Variants in LARP4 observed in about 807,000 individuals in gnomAD.
LARP4 encodes the protein la-related protein 4.
A neutral mutation model predicts 92.9 loss-of-function variants in LARP4; 29 were observed. The observed-to-expected ratio is 0.31, with a 90% CI of 0.23 to 0.43. LARP4 has a LOEUF of 0.43. Among genes scored for constraint, LARP4 ranks in the 20% least tolerant of loss-of-function variants. The pLI, the probability that LARP4 is intolerant of heterozygous loss-of-function variation, is 1.00. For synonymous variants in LARP4, 279 were observed against 284.1 expected, an observed-to-expected ratio of 0.98 and a Z score of 0.18; for missense variants, 732 against 860.0, an observed-to-expected ratio of 0.85 and a Z score of 1.86.
At chr12:50,429,138 C>A in intron 3 of LARP4, 48 bp downstream of exon 3, 1 of 1,366,000 alleles carries the variant, frequency 7.3e-7, no homozygotes, top group Non-Finnish European at 1.0e-6. Flanking sequence ...GTACAGGACA[C>A]CCCCCACCCA....
intron 1 of LARP4, among the ~76,000 whole-genome samples, chr12:50,422,113 G>C (rs1317491076): frequency 6.6e-6 from 1 of 151,856 alleles, no homozygotes; most frequent in African/African-American, 2.4e-5. Context: ...GGGACTATAG[G>C]CATCCACCCC....
intron 8 of LARP4, among the ~76,000 whole-genome samples, chr12:50,452,848 C>T (rs1953482501): frequency 6.6e-6 from 1 of 151,978 alleles, no homozygotes; most frequent in Non-Finnish European, 1.5e-5. Flanking sequence ...ATACTAGTAC[C>T]CTTGCCTGTG....
chr12:50,428,982 T>C lies in LARP4; in HGVS notation c.214T>C (p.Tyr72His). Reference sequence around the variant, plus strand: ...TATATGTAAAGAATATGAAGTAATGTATTCTTCATCTTGTGAAACCACAAG... The same window carrying C: ...TATATGTAAAGAATATGAAGTAATGCATTCTTCATCTTGTGAAACCACAAG... ...EDICKEYEVM[Y>H]SSSCETTRNT... Residue 72 changes from tyrosine (Y) to histidine (H), a missense_variant, in exon 3 of 16, where the codon TAT becomes CAT. Tyr to His is a moderately conservative substitution (Grantham distance 83). Around this residue, in one of 7 missense-constraint regions of LARP4, gnomAD observed 236 missense variants for 307.6 expected, o/e 0.77. Transcript: ENST00000398473. 1 of 1,600,198 alleles carries C rather than the reference T, an allele frequency of 6.2e-7. No individual in the cohort carries two copies. Among genetic ancestry groups the C allele is most frequent in the South Asian group, 1.1e-5 (1 of 90,396 alleles).
chr12:50,401,098 C>A (rs1943727252), intron 1 of LARP4, 70 bp downstream of exon 1: 2 of 1,574,320 alleles, frequency 1.3e-6, no homozygotes, highest in Non-Finnish European at 1.7e-6. Flanking sequence ...GCCGGTCCCA[C>A]CGCCATGTGA....
intron 8 of LARP4, among the ~76,000 whole-genome samples, chr12:50,451,567 G>A (rs1446914858): frequency 6.6e-6 from 1 of 152,212 alleles, no homozygotes; most frequent in African/African-American, 2.4e-5. Context: ...AGGCGCGGTG[G>A]CTCATGCCTG....
Position 50,435,715 on chromosome 12 carries a change from C to T in LARP4, c.535+91C>T. 3 of 891,844 alleles carry T rather than the reference C, an allele frequency of 3.4e-6. No individual in the cohort carries two copies. The South Asian group carries it at 5.5e-5, about 16-fold the overall frequency. The allele number at this position is 891,844 out of a possible 1,614,324, so 55.2% of individuals were successfully genotyped here. ...ATCATATAGGGAATTATTTTTACTGCCCCCTCCCCACACCCTTATTTTGTT... is the reference window on the plus strand; with the variant it reads ...ATCATATAGGGAATTATTTTTACTGTCCCCTCCCCACACCCTTATTTTGTT... On this transcript the variant is annotated intron_variant, in intron 5 of 15. Coordinates refer to ENST00000398473, the MANE Select transcript of LARP4 (RefSeq NM_052879.5).
intron 8 of LARP4, among the ~76,000 whole-genome samples, chr12:50,449,923 ATTTTTTTTT>A (rs60763691): frequency 3.0e-4 from 14 of 47,048 alleles, no homozygotes; most frequent in South Asian, 1.4e-3. Context: ...AGCCATAGCA[ATTTTTTTTT>A]TTTTTTTTTT....
At chr12:50,420,983 T>A (rs1261064376) in intron 1 of LARP4, 1 of 138,980 alleles carries the variant, frequency 7.2e-6, no homozygotes, top group Non-Finnish European at 1.5e-5. Flanking sequence ...GAAGTCTCGC[T>A]GTGTCACCCA....
At chr12:50,420,766 C>G (rs1947611195) in intron 1 of LARP4, 1 of 152,074 alleles carries the variant, frequency 6.6e-6, no homozygotes, top group East Asian at 1.9e-4. Context: ...CTAAGAAGTT[C>G]TGAATGATAT....
At chr12:50,437,119 G>T (rs1950559406) in intron 5 of LARP4, among the ~76,000 whole-genome samples, 1 of 152,148 alleles carries the variant, frequency 6.6e-6, no homozygotes, top group East Asian at 1.9e-4. Context: ...TGTTCATGGA[G>T]ATCTGGTATA....
chr12:50,424,867 C>T (rs190858183), intron 1 of LARP4, among the ~76,000 whole-genome samples: 1 of 151,840 alleles, frequency 6.6e-6, no homozygotes, highest in Non-Finnish European at 1.5e-5. Flanking sequence ...TACCTTGAGG[C>T]CAGGTGCAGT....
chr12:50,423,571 C>A (rs963432240), intron 1 of LARP4, among the ~76,000 whole-genome samples: 1 of 152,118 alleles, frequency 6.6e-6, no homozygotes, highest in African/African-American at 2.4e-5. Context: ...GCCTCAGCCT[C>A]CAGAGTAGCT....
At chr12:50,430,711 A>C in intron 4 of LARP4, 141 bp downstream of exon 4, 1 of 533,870 alleles carries the variant, frequency 1.9e-6, no homozygotes, top group Non-Finnish European at 3.3e-6. Context: ...GCTGGGCTGG[A>C]GTGCAGTGGT....
intron 1 of LARP4, among the ~76,000 whole-genome samples, chr12:50,413,433 A>G (rs1946253940): frequency 6.6e-6 from 1 of 152,226 alleles, no homozygotes; most frequent in Non-Finnish European, 1.5e-5. Flanking sequence ...TATCACAGAT[A>G]GTGAACATTT....
chr12:50,476,373 T>TG lies in LARP4; in HGVS notation c.*513dup, dbSNP rs1425966638. ...TTGTATTGCAAAGCGGATCAGTGGC[T>TG]GGGGTGCCTGTTGTGGGTGTGAGTG... On this transcript the variant is annotated 3_prime_UTR_variant, in exon 16 of 16. Coordinates refer to ENST00000398473, the MANE Select transcript of LARP4 (RefSeq NM_052879.5). 1.3e-5 allele frequency: 2 copies of TG among 152,682 alleles called. No individual in the cohort carries two copies. Among genetic ancestry groups the TG allele is most frequent in the Non-Finnish European group, 2.9e-5 (2 of 68,132 alleles). 9.5% of individuals were successfully genotyped at this position (152,682 alleles called of 1,614,324 possible).
At chr12:50,471,938 C>T (rs921494937) in intron 13 of LARP4, among the ~76,000 whole-genome samples, 2 of 152,062 alleles carry the variant, frequency 1.3e-5, no homozygotes, top group African/African-American at 2.4e-5. Context: ...GTTTCTTTTC[C>T]GTCTTTAGTG....
intron 4 of LARP4, among the ~76,000 whole-genome samples, chr12:50,433,997 A>G (rs1272303061): frequency 1.3e-5 from 2 of 152,208 alleles, no homozygotes; most frequent in Admixed American, 1.3e-4. Flanking sequence ...GCCAGGCACT[A>G]GGCAGTTGAA....
At chr12:50,405,661 A>T (rs770417697) in intron 1 of LARP4, among the ~76,000 whole-genome samples, 7 of 151,812 alleles carry the variant, frequency 4.6e-5, no homozygotes, top group Admixed American at 6.6e-5. Flanking sequence ...TTGTTTAAAT[A>T]AAAAAAATTA....
At chr12:50,455,220 C>T (rs1459679219) in intron 10 of LARP4, among the ~76,000 whole-genome samples, 1 of 151,808 alleles carries the variant, frequency 6.6e-6, no homozygotes, top group African/African-American at 2.4e-5. Context: ...TATGTTATGG[C>T]TTGTTGTTGT....
Sources: gnomAD v4.1 joint callset for allele counts (sites outside exome capture counted in the v4.1 genomes callset) on GRCh38, gnomAD v4.1.1 for gene constraint, gnomAD v4.1.1 regional missense constraint, MANE v1.5 for transcripts, NCBI Gene and HGNC (gene_info 2026-07-23, HGNC 2026-07-21) for gene names.